The following WDPCP variants were observed in gnomAD, a reference collection of about 807,000 sequenced individuals.
WDPCP encodes WD repeat containing planar cell polarity effector, also known as WD repeat-containing and planar cell polarity effector protein fritz homolog.
In WDPCP, 71 loss-of-function variants were observed where a neutral mutation model predicts 93.1. The observed-to-expected ratio is 0.76, with a 90% CI of 0.63 to 0.93. The LOEUF (loss-of-function observed/expected upper bound fraction) is 0.93. WDPCP is among the 40% of genes least tolerant of loss of function. The pLI, the probability that WDPCP is intolerant of heterozygous loss-of-function variation, is 0.00. For missense variants in WDPCP, 844 were observed against 887.4 expected (o/e 0.95, Z 0.62); for synonymous variants, 315 against 315.0 (o/e 1.00, Z 0.00).
chr2:63,535,345 A>C (rs1031493260), intron 1 of WDPCP, among the ~76,000 whole-genome samples: 1 of 152,176 alleles, frequency 6.6e-6, no homozygotes, highest in Non-Finnish European at 1.5e-5. Context: ...TTTCTTCACA[A>C]AATTGGAAAA....
intron 12 of WDPCP, among the ~76,000 whole-genome samples, chr2:63,361,109 G>T (rs13009368): frequency 2.0e-5 from 3 of 152,056 alleles, no homozygotes; most frequent in Non-Finnish European, 2.9e-5. Context: ...AGAAGGACCA[G>T]GTCAGAATTC....
intron 12 of WDPCP, among the ~76,000 whole-genome samples, chr2:63,371,447 A>G (rs1432672877): frequency 6.6e-6 from 1 of 152,086 alleles, no homozygotes; most frequent in Non-Finnish European, 1.5e-5. Context: ...CAAATCATCT[A>G]TTGAGTTCCC....
chr2:63,499,615 G>C (rs183631814), intron 1 of WDPCP, among the ~76,000 whole-genome samples: 3 of 152,222 alleles, frequency 2.0e-5, no homozygotes, highest in African/African-American at 7.2e-5. Flanking sequence ...TTGGGGTGGT[G>C]GCAGCTGGAA....
chr2:63,395,922 T>A (rs2105081577), intron 10 of WDPCP, among the ~76,000 whole-genome samples: 1 of 152,200 alleles, frequency 6.6e-6, no homozygotes, highest in South Asian at 2.1e-4. Flanking sequence ...TACAGACAGG[T>A]TTCACCATGT....
At position 63,595,434 on chromosome 2, in the gene WDPCP, T is replaced by C; in HGVS notation, n.488+55225A>G. 1 of 1,607,586 alleles carries C rather than the reference T, an allele frequency of 6.2e-7. No individual in the cohort carries two copies. Among genetic ancestry groups the C allele is most frequent in the Non-Finnish European group, 8.5e-7 (1 of 1,174,018 alleles). ...TTGCTATTTGGTAGCCTATAATTCT[T>C]GTGCTGTTGGATATCACCCCCATGA... On this transcript the variant is annotated intron_variant and non_coding_transcript_variant, in intron 3 of 4. Coordinates refer to the WDPCP transcript ENST00000467687.
intron 2 of WDPCP, among the ~76,000 whole-genome samples, chr2:63,780,869 G>C (rs1380293918): frequency 6.6e-6 from 1 of 152,130 alleles, no homozygotes; most frequent in Non-Finnish European, 1.5e-5. Flanking sequence ...AGCCCTTTTA[G>C]ACTCTTTAAA....
At chr2:63,242,639 C>CTATTCTTCAAATCTCAGTG (rs1679947492) in intron 14 of WDPCP, among the ~76,000 whole-genome samples, 1 of 152,064 alleles carries the variant, frequency 6.6e-6, no homozygotes, top group Admixed American at 6.6e-5. Context: ...TAAATAAATG[C>CTATTCTTCAAATCTCAGTG]TATTCTTCAA....
At chr2:63,342,259 T>C (rs1359333774) in intron 12 of WDPCP, among the ~76,000 whole-genome samples, 1 of 152,186 alleles carries the variant, frequency 6.6e-6, no homozygotes, top group East Asian at 1.9e-4. Context: ...CAAGCCATGG[T>C]ACCTGGGGAT....
At chr2:63,263,275 T>C (rs1039440904) in intron 13 of WDPCP, among the ~76,000 whole-genome samples, 1 of 152,252 alleles carries the variant, frequency 6.6e-6, no homozygotes, top group African/African-American at 2.4e-5. Flanking sequence ...ATGATATGAA[T>C]GTCCCACCAA....
At chr2:63,528,923 T>C (rs538836658) in intron 1 of WDPCP, among the ~76,000 whole-genome samples, 62 of 152,164 alleles carry the variant, frequency 4.1e-4, no homozygotes, top group Admixed American at 1.6e-3. Flanking sequence ...TTGAAGAGGT[T>C]CTTCACATCC....
chr2:63,137,080 G>T (rs1670674581), intron 17 of WDPCP, among the ~76,000 whole-genome samples: 1 of 152,134 alleles, frequency 6.6e-6, no homozygotes, highest in South Asian at 2.1e-4. Context: ...ACTCAGTAAT[G>T]GGATTGCTGG....
At chr2:63,339,287 C>A (rs1688671757) in intron 12 of WDPCP, among the ~76,000 whole-genome samples, 1 of 152,070 alleles carries the variant, frequency 6.6e-6, no homozygotes, top group South Asian at 2.1e-4. Context: ...AATTCTTGTG[C>A]CTCAACTTCC....
At chr2:63,394,917 G>A (rs1693587146) in intron 10 of WDPCP, among the ~76,000 whole-genome samples, 1 of 152,062 alleles carries the variant, frequency 6.6e-6, no homozygotes, top group African/African-American at 2.4e-5. Context: ...GGTAAGGATC[G>A]AAAAACTGCC....
At chr2:63,163,523 A>G (rs1230814491) in intron 15 of WDPCP, among the ~76,000 whole-genome samples, 1 of 152,168 alleles carries the variant, frequency 6.6e-6, no homozygotes. Flanking sequence ...AATGCTTAGT[A>G]TATTCTACAT....
intron 17 of WDPCP, among the ~76,000 whole-genome samples, chr2:63,126,714 C>T (rs1227711520): frequency 2.0e-5 from 3 of 147,884 alleles, no homozygotes; most frequent in African/African-American, 7.6e-5. Flanking sequence ...CTCTGTTGCC[C>T]AGGCTGGAGA....
intron 17 of WDPCP, among the ~76,000 whole-genome samples, chr2:63,127,265 G>A (rs1669977587): frequency 6.6e-6 from 1 of 151,598 alleles, no homozygotes; most frequent in South Asian, 2.1e-4. Context: ...GAGACTACAG[G>A]CATGAGCCGC....
chr2:63,267,335 A>C lies in WDPCP; in HGVS notation c.1813-7926T>G, dbSNP rs56986199. ...GGACCCTTACATCAAACCACATATA[A>C]AAATCAACTCAAAATGGATAAAAGA... On this transcript the variant is annotated intron_variant, in intron 13 of 17. Transcript: ENST00000272321. 4.9e-3 allele frequency among the ~76,000 whole-genome samples: 747 copies of C among 152,300 alleles called. 6 individuals are homozygous for C. The highest frequency in any genetic ancestry group is 0.017 in the African/African-American group (713 of 41,574).
At chr2:63,584,492 A>G (rs1357301283) in intron 1 of WDPCP, among the ~76,000 whole-genome samples, 1 of 152,110 alleles carries the variant, frequency 6.6e-6, no homozygotes, top group Admixed American at 6.5e-5. Flanking sequence ...AATGAATCCA[A>G]TGAAAATGAA....
At chr2:63,567,182 T>C (rs1707137821) in intron 1 of WDPCP, among the ~76,000 whole-genome samples, 1 of 152,144 alleles carries the variant, frequency 6.6e-6, no homozygotes, top group South Asian at 2.1e-4. Flanking sequence ...TCTCTGGACA[T>C]TGCTGACTGA....
Sources: gnomAD v4.1 joint callset for allele counts (sites outside exome capture counted in the v4.1 genomes callset) on GRCh38, gnomAD v4.1.1 for gene constraint, MANE v1.5 for transcripts, NCBI Gene and HGNC (gene_info 2026-07-23, HGNC 2026-07-21) for gene names.